ASAP1: variants seen among roughly 807,000 people sequenced by gnomAD.
ASAP1 encodes ArfGAP with SH3 domain, ankyrin repeat and PH domain 1, also known as arf-GAP with SH3 domain, ANK repeat and PH domain-containing protein 1.
ASAP1 carries 43 observed loss-of-function variants against 145.2 expected under a neutral mutation model. That is an observed-to-expected ratio of 0.30 (90% CI 0.23 to 0.38). The LOEUF (loss-of-function observed/expected upper bound fraction) is 0.38. Ranked by LOEUF, ASAP1 falls within the 10% of genes least tolerant of loss-of-function variation. The pLI is 1.00. For missense variants in ASAP1, 1,018 were observed against 1,355.3 expected, an observed-to-expected ratio of 0.75 and a Z score of 3.91; for synonymous variants, 546 against 515.5, an observed-to-expected ratio of 1.06 and a Z score of -0.80.
chr8:130,243,387 A>T lies in ASAP1; in HGVS notation c.187-6393T>A, dbSNP rs565637699. Among the ~76,000 whole-genome samples the T allele has an allele frequency of 2.0e-5, 3 of 152,330 alleles. No individual in the cohort carries two copies. The East Asian group carries it at 5.8e-4, about 29-fold the overall frequency. ...ATAATATTCATGTTTATTTCTTCAC[A>T]TAGAAGATGCTTTGTAAGGATTCAC... On this transcript the variant is annotated intron_variant, in intron 3 of 29. Transcript: ENST00000518721.
At chr8:130,375,120 G>A (rs894496041) in intron 2 of ASAP1, among the ~76,000 whole-genome samples, 1 of 152,166 alleles carries the variant, frequency 6.6e-6, no homozygotes, top group African/African-American at 2.4e-5. Flanking sequence ...TAAGACAGCT[G>A]CCTTCCCTGG....
intron 3 of ASAP1, among the ~76,000 whole-genome samples, chr8:130,293,144 G>A (rs1036025106): frequency 9.9e-5 from 15 of 152,110 alleles, no homozygotes; most frequent in African/African-American, 3.6e-4. Context: ...CTTTTCCAAA[G>A]CTTGCTTTTC....
intron 3 of ASAP1, among the ~76,000 whole-genome samples, chr8:130,271,384 C>T (rs1295136960): frequency 6.6e-6 from 1 of 152,222 alleles, no homozygotes; most frequent in African/African-American, 2.4e-5. Context: ...GTAGGCCACA[C>T]AGTTCCAAGG....
intron 12 of ASAP1, among the ~76,000 whole-genome samples, chr8:130,154,425 G>A (rs1221090266): frequency 1.3e-5 from 2 of 152,118 alleles, no homozygotes; most frequent in African/African-American, 2.4e-5. Context: ...GTAGATCTGC[G>A]TGTGTGCAGG....
intron 3 of ASAP1, among the ~76,000 whole-genome samples, chr8:130,258,417 A>G (rs112063030): frequency 3.3e-4 from 51 of 152,340 alleles, no homozygotes; most frequent in African/African-American, 1.2e-3. Context: ...GCTGTCACAG[A>G]CCACCCTGAT....
At chr8:130,287,851 T>C (rs775973427) in intron 3 of ASAP1, among the ~76,000 whole-genome samples, 97 of 152,330 alleles carry the variant, frequency 6.4e-4, no homozygotes, top group Non-Finnish European at 1.2e-3. Flanking sequence ...CCACTCAGTC[T>C]AGCATATAGC....
At chr8:130,346,743 G>A (rs992458595) in intron 3 of ASAP1, among the ~76,000 whole-genome samples, 2 of 145,120 alleles carry the variant, frequency 1.4e-5, no homozygotes, top group African/African-American at 2.6e-5. Flanking sequence ...GGGAGGCAGT[G>A]TATTCACTTG....
chr8:130,062,255 G>C (rs150553300), intron 27 of ASAP1, among the ~76,000 whole-genome samples: 1,533 of 152,282 alleles, frequency 0.01, 13 homozygotes, highest in Middle Eastern at 0.038. Context: ...CTCACATTAG[G>C]AATTTGATCC....
At chr8:130,269,237 G>A (rs1820445659) in intron 3 of ASAP1, among the ~76,000 whole-genome samples, 1 of 152,154 alleles carries the variant, frequency 6.6e-6, no homozygotes, top group Admixed American at 6.5e-5. Context: ...GGCAGAGTCT[G>A]GTTTAGCTGT....
intron 3 of ASAP1, among the ~76,000 whole-genome samples, chr8:130,300,186 A>C (rs1004963460): frequency 7.5e-5 from 11 of 146,126 alleles, no homozygotes; most frequent in Admixed American, 1.4e-4. Flanking sequence ...AGAGAGAGAG[A>C]GCGAGCGAGC....
chr8:130,312,588 C>T (rs1363713101), intron 3 of ASAP1, among the ~76,000 whole-genome samples: 1 of 152,200 alleles, frequency 6.6e-6, no homozygotes, highest in Non-Finnish European at 1.5e-5. Context: ...CATACACAGG[C>T]ATTATCTCAC....
intron 24 of ASAP1, among the ~76,000 whole-genome samples, chr8:130,106,678 G>A (rs2135538326): frequency 6.6e-6 from 1 of 152,362 alleles, no homozygotes; most frequent in Non-Finnish European, 1.5e-5. Context: ...GACGAGTACT[G>A]ACGAGCATCC....
chr8:130,394,946 AACC>A (rs1828458040), intron 2 of ASAP1, among the ~76,000 whole-genome samples: 1 of 152,204 alleles, frequency 6.6e-6, no homozygotes, highest in South Asian at 2.1e-4. Context: ...AGCCTGGTTT[AACC>A]ACTTTACCCA....
At chr8:130,262,410 AAAAAAAAGAGAGAG>A (rs1586708205) in intron 3 of ASAP1, among the ~76,000 whole-genome samples, 4 of 109,412 alleles carry the variant, frequency 3.7e-5, no homozygotes, top group South Asian at 6.9e-4. Context: ...AAAAAAAAAA[AAAAAAAAGAGAGAG>A]AGAGAGAGAG....
Position 130,076,369 on chromosome 8 carries a change from G to C in ASAP1, c.2680C>G (p.Leu894Val). The change falls in exon 27 of 30, where the codon CTT becomes GTT. Residue 894 changes from leucine to valine, a missense_variant. By Grantham distance (32) the Leu-to-Val change is conservative. This residue lies in a region of ASAP1 where 38 missense variants were observed against 77.2 expected (regional missense o/e 0.49). Coordinates refer to ENST00000518721, the MANE Select transcript of ASAP1 (RefSeq NM_018482.4). ...SAKTALGPRV[L>V]PKLPQKVALR... ...TTACCTTTCTGAGGTAGTTTAGGAA[G>C]AACTCTTGGGCCAAGGGCAGTCTTT... The C allele has an allele frequency of 6.2e-7, 1 of 1,612,146 alleles. No homozygotes were observed. Among genetic ancestry groups the C allele is most frequent in the Non-Finnish European group, 8.5e-7 (1 of 1,179,234 alleles).
At chr8:130,393,175 C>T (rs900918104) in intron 2 of ASAP1, among the ~76,000 whole-genome samples, 3 of 152,188 alleles carry the variant, frequency 2.0e-5, no homozygotes, top group Non-Finnish European at 2.9e-5. Flanking sequence ...TTGTTTGTAG[C>T]GGTTTACCAT....
At chr8:130,192,337 G>A (rs1282998869) in intron 5 of ASAP1, among the ~76,000 whole-genome samples, 2 of 145,692 alleles carry the variant, frequency 1.4e-5, no homozygotes, top group African/African-American at 2.5e-5. Context: ...GGGGGGGAGC[G>A]ATGGGGGACT....
intron 5 of ASAP1, among the ~76,000 whole-genome samples, chr8:130,206,207 T>A (rs537821089): frequency 7.8e-4 from 119 of 152,284 alleles, no homozygotes; most frequent in African/African-American, 2.7e-3. Context: ...AGGGGATACC[T>A]GGTAGATCAA....
chr8:130,348,883 C>T (rs1825840664), intron 3 of ASAP1, among the ~76,000 whole-genome samples: 1 of 152,166 alleles, frequency 6.6e-6, no homozygotes, highest in Non-Finnish European at 1.5e-5. Context: ...TAATAAATAC[C>T]TGCATTTATT....
Sources: gnomAD v4.1 joint callset for allele counts (sites outside exome capture counted in the v4.1 genomes callset) on GRCh38, gnomAD v4.1.1 for gene constraint, gnomAD v4.1.1 regional missense constraint, MANE v1.5 for transcripts, NCBI Gene and HGNC (gene_info 2026-07-23, HGNC 2026-07-21) for gene names.